ABL2: variants seen among roughly 807,000 people sequenced by gnomAD.
The protein encoded by ABL2 is tyrosine-protein kinase ABL2.
A neutral mutation model predicts 107.7 loss-of-function variants in ABL2; 49 were observed. The observed-to-expected ratio is 0.45, with a 90% CI of 0.36 to 0.58. ABL2 has a LOEUF of 0.58. Among genes scored for constraint, ABL2 ranks in the 20% least tolerant of loss-of-function variants. The pLI is 0.00. For synonymous variants in ABL2, 549 were observed against 548.6 expected (o/e 1.00, Z -0.01); for missense variants, 1,245 against 1,457.0 (o/e 0.85, Z 2.37).
intron 1 of ABL2, among the ~76,000 whole-genome samples, chr1:179,218,428 GCT>G (rs1662698801): frequency 6.6e-6 from 1 of 151,902 alleles, no homozygotes; most frequent in African/African-American, 2.4e-5. Flanking sequence ...AGACAGTCTC[GCT>G]CTGTCACCCA....
At chr1:179,167,904 G>A (rs1420571881) in intron 1 of ABL2, among the ~76,000 whole-genome samples, 4 of 152,110 alleles carry the variant, frequency 2.6e-5, no homozygotes, top group African/African-American at 9.7e-5. Context: ...ACTTTAACCC[G>A]GGAGGCAGAG....
Position 179,201,785 on chromosome 1 carries a change from C to G in ABL2, c.157+27456G>C. Reference sequence around the variant, plus strand: ...ATAGGGAAAATTATATCCACAGAATCGGTTGAGGTGGACAGTTTGGCCATA... The same window carrying G: ...ATAGGGAAAATTATATCCACAGAATGGGTTGAGGTGGACAGTTTGGCCATA... On this transcript the variant is annotated intron_variant, in intron 1 of 11. Transcript: ENST00000502732. The G allele has an allele frequency of 1.0e-5, 9 of 899,186 alleles. 1 individual carries two copies. In the South Asian group the frequency reaches 1.1e-4, roughly 11 times the overall value. 55.7% of individuals were successfully genotyped at this position (899,186 alleles called of 1,614,324 possible). A position where few individuals can be genotyped will look rare whatever the true frequency, so the allele number is the denominator to read the frequency against.
At chr1:179,185,417 T>C (rs1250050355) in intron 1 of ABL2, among the ~76,000 whole-genome samples, 2 of 152,188 alleles carry the variant, frequency 1.3e-5, no homozygotes, top group Non-Finnish European at 2.9e-5. Flanking sequence ...GAATTGACAT[T>C]CTCTATTGTA....
chr1:179,186,546 T>C (rs1168519154), intron 1 of ABL2, among the ~76,000 whole-genome samples: 1 of 151,186 alleles, frequency 6.6e-6, no homozygotes, highest in Non-Finnish European at 1.5e-5. Flanking sequence ...GCCCAGCTAA[T>C]TTTTTTGTAT....
At chr1:179,116,598 C>G (rs1384256553) in intron 8 of ABL2, among the ~76,000 whole-genome samples, 1 of 150,870 alleles carries the variant, frequency 6.6e-6, no homozygotes, top group Non-Finnish European at 1.5e-5. Context: ...GCAACCTCCA[C>G]CTCCCGGGTT....
At position 179,143,616 on chromosome 1, in the gene ABL2, A is replaced by T. The variant is rs1040858693; in HGVS notation, c.158-10242T>A. ...GCCTTTGCTAACAATCTGGCTCTAT[A>T]GCTTAATAAAGGTTAAAAACATGGC... On this transcript the variant is annotated intron_variant, in intron 1 of 11. Transcript: ENST00000502732. 3.9e-5 allele frequency among the ~76,000 whole-genome samples: 6 copies of T among 152,254 alleles called. No individual in the cohort carries two copies. The East Asian group carries it at 1.2e-3, about 29-fold the overall frequency.
chr1:179,139,461 G>A (rs1413236819), intron 1 of ABL2, among the ~76,000 whole-genome samples: 1 of 152,158 alleles, frequency 6.6e-6, no homozygotes, highest in Non-Finnish European at 1.5e-5. Context: ...AGCACTCACC[G>A]CGAGGGTCTG....
intron 1 of ABL2, among the ~76,000 whole-genome samples, chr1:179,158,908 GAATAT>G (rs1658872512): frequency 6.6e-6 from 1 of 152,096 alleles, no homozygotes; most frequent in African/African-American, 2.4e-5. Flanking sequence ...TACTTAATGA[GAATAT>G]AATATCATCT....
intron 7 of ABL2, 117 bp downstream of exon 7, chr1:179,118,470 T>C: frequency 9.6e-7 from 1 of 1,039,214 alleles, no homozygotes; most frequent in Non-Finnish European, 1.4e-6. Context: ...CCCTGTGAAA[T>C]ACAAAATTAC....
At chr1:179,110,519 T>C (rs915689855) in intron 10 of ABL2, 64 bp from the exon 11 acceptor site, 14 of 1,546,866 alleles carry the variant, frequency 9.1e-6, no homozygotes, top group Non-Finnish European at 1.2e-5. Context: ...GGAGTTCTTT[T>C]CAGAAAAGGC....
rs1437545096 is a variant in ABL2, at chr1:179,102,521, A to C, written c.*5197T>G. The C allele has an allele frequency of 1.8e-5, 4 of 227,492 alleles. No homozygotes were observed. Among genetic ancestry groups the C allele is most frequent in the Admixed American group, 5.7e-5 (1 of 17,558 alleles). 14.1% of individuals were successfully genotyped at this position (227,492 alleles called of 1,614,324 possible). A position where few individuals can be genotyped will look rare whatever the true frequency, so the allele number is the denominator to read the frequency against. On this transcript the variant is annotated 3_prime_UTR_variant, in exon 12 of 12. Transcript: ENST00000502732. ...AACCGCTGAAGCCTATCAATACTTA[A>C]GCCAGAGACCCACCTACAAAAAGAG...
rs377510590 is a variant in ABL2 at position 179,114,513 on chromosome 1, G to C, written c.1561+365C>G. On this transcript the variant is annotated intron_variant, in intron 9 of 11. Coordinates refer to ENST00000502732, the MANE Select transcript of ABL2 (RefSeq NM_007314.4). ...CTACTTTTTCATCTGCAAGCAATCG[G>C]ATGCTTCTGTTTATCTACACAGAGG... 5.2e-5 allele frequency among the ~76,000 whole-genome samples: 6 copies of C among 115,688 alleles called. No homozygotes were observed. The East Asian group carries it at 1.4e-3, about 26-fold the overall frequency. The allele number at this position is 115,688 out of a possible 152,430, so 75.9% of individuals were successfully genotyped here.
intron 1 of ABL2, chr1:179,221,916 T>C (rs542925140): frequency 4.3e-6 from 1 of 234,620 alleles, no homozygotes; most frequent in Admixed American, 4.1e-5. Context: ...AAATGATGGG[T>C]CACGTAAAAC....
chr1:179,130,726 T>TTGTGTGTGTGTGTGTG (rs10643666), intron 3 of ABL2, among the ~76,000 whole-genome samples: 95 of 142,810 alleles, frequency 6.7e-4, no homozygotes, highest in African/African-American at 2.4e-3. Context: ...ATTATTGATT[T>TTGTGTGTGTGTGTGTG]TGTGTGTGTG....
intron 1 of ABL2, among the ~76,000 whole-genome samples, chr1:179,183,139 A>C (rs1415113911): frequency 1.3e-5 from 2 of 152,048 alleles, no homozygotes; most frequent in Non-Finnish European, 2.9e-5. Context: ...CAGCCTCCCA[A>C]ATAGAGAACT....
At chr1:179,168,488 GGACT>G (rs1240615710) in intron 1 of ABL2, among the ~76,000 whole-genome samples, 1 of 152,036 alleles carries the variant, frequency 6.6e-6, no homozygotes, top group African/African-American at 2.4e-5. Flanking sequence ...GAGATGTGAA[GGACT>G]GACTGTATTT....
At chr1:179,158,983 A>G (rs1658878998) in intron 1 of ABL2, among the ~76,000 whole-genome samples, 1 of 152,230 alleles carries the variant, frequency 6.6e-6, no homozygotes, top group African/African-American at 2.4e-5. Context: ...TAATTTAATT[A>G]TAATAATAGC....
At position 179,103,057 on chromosome 1, in the gene ABL2, G is replaced by A. The variant is rs2102561390; in HGVS notation, c.*4661C>T. The A allele has an allele frequency of 4.5e-6, 1 of 222,104 alleles. No homozygotes were observed. The highest frequency in any genetic ancestry group is 9.0e-6 in the Non-Finnish European group (1 of 111,142). 13.8% of individuals were successfully genotyped at this position (222,104 alleles called of 1,614,324 possible). A position where few individuals can be genotyped will look rare whatever the true frequency, so the allele number is the denominator to read the frequency against. ...TAGGATAAATGGCCAAGCATATAGTGGATAAATGGAGAAGAGTAAGAGGAC... is the reference window on the plus strand; with the variant it reads ...TAGGATAAATGGCCAAGCATATAGTAGATAAATGGAGAAGAGTAAGAGGAC... On this transcript the variant is annotated 3_prime_UTR_variant, in exon 12 of 12. Coordinates refer to ENST00000502732, the MANE Select transcript of ABL2 (RefSeq NM_007314.4).
intron 1 of ABL2, among the ~76,000 whole-genome samples, chr1:179,166,045 C>G (rs1659357962): frequency 1.3e-5 from 2 of 152,084 alleles, no homozygotes. Flanking sequence ...GATCTGCCCG[C>G]CTCGGCCTCC....
Sources: allele counts gnomAD v4.1 joint callset (sites outside exome capture counted in the v4.1 genomes callset), GRCh38; gene constraint gnomAD v4.1.1; transcripts MANE v1.5; gene names NCBI Gene and HGNC (gene_info 2026-07-23, HGNC 2026-07-21).